Variants in SGCD observed in about 807,000 individuals in gnomAD.
SGCD encodes the protein sarcoglycan delta.
SGCD carries 18 observed loss-of-function variants against 36.6 expected under a neutral mutation model. The ratio of observed to expected loss-of-function variants is 0.49; its 90% CI spans 0.34 to 0.73. The LOEUF is 0.73. Ranked by LOEUF, SGCD falls within the 30% of genes least tolerant of loss-of-function variation. The pLI, the probability that SGCD is intolerant of heterozygous loss-of-function variation, is 0.01. For missense variants in SGCD, 387 were observed against 346.7 expected (o/e 1.12, Z -0.92); for synonymous variants, 133 against 130.6 (o/e 1.02, Z -0.12).
In SGCD at chr5:156,271,680, G is replaced by A. The variant is rs1231609629; in HGVS notation, c.-43-57854G>A. 1.1e-4 allele frequency among the ~76,000 whole-genome samples: 16 copies of A among 152,044 alleles called. No individual in the cohort carries two copies. The East Asian group carries it at 2.5e-3, about 24-fold the overall frequency. On this transcript the variant is annotated intron_variant, in intron 3 of 9. Transcript: ENST00000517913. Reference sequence around the variant, plus strand: ...GAGAGTGTGACTTTTTTTCACCAAGGACAGCAGTCCTTGGGAGCTATTTCT... The same window carrying A: ...GAGAGTGTGACTTTTTTTCACCAAGAACAGCAGTCCTTGGGAGCTATTTCT...
rs578224268 is a variant in SGCD, at chr5:156,267,074, C to G, written c.-43-62460C>G. On this transcript the variant is annotated intron_variant, in intron 3 of 9. Coordinates refer to the SGCD transcript ENST00000517913. ...CTGTCACTATATGTGCAACCTTCAG[C>G]AAGTCATTGAACTCTCTCAGACTCC... Among the ~76,000 whole-genome samples the G allele has an allele frequency of 6.6e-4, 101 of 152,282 alleles. 1 individual carries two copies. Among genetic ancestry groups the G allele is most frequent in the African/African-American group, 2.3e-3 (96 of 41,546 alleles).
Position 156,213,110 on chromosome 5 carries a change from A to G in SGCD, c.-44+89091A>G, listed in dbSNP as rs79168209. 7.1e-3 allele frequency among the ~76,000 whole-genome samples: 1,086 copies of G among 152,102 alleles called. 13 individuals are homozygous for G. Among genetic ancestry groups the G allele is most frequent in the African/African-American group, 0.025 (1,031 of 41,556 alleles). On this transcript the variant is annotated intron_variant, in intron 3 of 9. Coordinates refer to the SGCD transcript ENST00000517913. ...CAAGGAACTAGAAAAATAAGAATTA[A>G]CTAAGCTTAAAGTTAGTAGAAGGAA...
intron 1 of SGCD, among the ~76,000 whole-genome samples, chr5:155,951,377 T>C (rs983851961): frequency 1.3e-5 from 2 of 152,034 alleles, no homozygotes; most frequent in Admixed American, 6.6e-5. Context: ...CTAGACCCAA[T>C]GATGTGGTTA....
chr5:156,276,686 G>C (rs781118882), intron 3 of SGCD, among the ~76,000 whole-genome samples: 9 of 152,040 alleles, frequency 5.9e-5, no homozygotes, highest in Non-Finnish European at 1.0e-4. Context: ...TACTGTTCTG[G>C]AAACATGGTC....
intron 3 of SGCD, among the ~76,000 whole-genome samples, chr5:156,316,732 A>G (rs559160979): frequency 3.5e-4 from 54 of 152,158 alleles, no homozygotes; most frequent in Admixed American, 3.3e-4. Flanking sequence ...TCAATAAATG[A>G]TATTGGAAAG....
At chr5:156,170,847 G>C (rs1455063767) in intron 3 of SGCD, among the ~76,000 whole-genome samples, 1 of 152,182 alleles carries the variant, frequency 6.6e-6, no homozygotes, top group Non-Finnish European at 1.5e-5. Flanking sequence ...TGCAAGAGAA[G>C]AAATTGCTGC....
the SGCD span, among the ~76,000 whole-genome samples, chr5:155,734,736 G>A: frequency 1.1e-3 from 164 of 152,254 alleles, no homozygotes; most frequent in African/African-American, 3.6e-3. Context: ...TGGTGAAATC[G>A]CCTCCAAATA....
intron 7 of SGCD, among the ~76,000 whole-genome samples, chr5:156,720,056 C>T (rs559420275): frequency 1.3e-5 from 2 of 152,126 alleles, no homozygotes; most frequent in Non-Finnish European, 2.9e-5. Context: ...GAAGCTCTAC[C>T]CCTGCCTTCT....
intron 7 of SGCD, among the ~76,000 whole-genome samples, chr5:156,754,374 C>T (rs901592708): frequency 2.6e-5 from 4 of 152,158 alleles, no homozygotes; most frequent in African/African-American, 9.7e-5. Context: ...TTCCAAATAT[C>T]CTAAATTTGA....
intron 3 of SGCD, among the ~76,000 whole-genome samples, chr5:156,129,695 G>A (rs866514878): frequency 2.0e-5 from 3 of 152,064 alleles, no homozygotes; most frequent in African/African-American, 7.2e-5. Flanking sequence ...TTGTGTTCAT[G>A]AGTTCTCATA....
the SGCD span, among the ~76,000 whole-genome samples, chr5:155,849,734 T>C: frequency 3.3e-5 from 5 of 152,316 alleles, no homozygotes; most frequent in African/African-American, 1.2e-4. Context: ...ATTCTGTTTA[T>C]ATCATTCCAT....
At chr5:156,131,242 A>T (rs1762314551) in intron 3 of SGCD, among the ~76,000 whole-genome samples, 1 of 152,206 alleles carries the variant, frequency 6.6e-6, no homozygotes, top group Non-Finnish European at 1.5e-5. Context: ...AGGCAATGTC[A>T]TTTAATAAAG....
At chr5:156,308,360 G>T (rs577665817) in intron 3 of SGCD, among the ~76,000 whole-genome samples, 3 of 151,144 alleles carry the variant, frequency 2.0e-5, no homozygotes, top group Non-Finnish European at 2.9e-5. Context: ...TTGCAGTGGC[G>T]CAATCTCGGC....
chr5:156,493,222 A>C (rs185319074), intron 3 of SGCD, among the ~76,000 whole-genome samples: 1 of 152,278 alleles, frequency 6.6e-6, no homozygotes, highest in East Asian at 1.9e-4. Context: ...TAATTAACAT[A>C]TCTATTACTT....
intron 3 of SGCD, among the ~76,000 whole-genome samples, chr5:156,441,392 T>C (rs1489163836): frequency 6.6e-6 from 1 of 152,168 alleles, no homozygotes; most frequent in African/African-American, 2.4e-5. Context: ...CTCTCCTTCA[T>C]GGGGACGTTT....
At chr5:155,869,061 C>G (rs1157673899), upstream of SGCD, among the ~76,000 whole-genome samples, 1 of 152,184 alleles carries the variant, frequency 6.6e-6, no homozygotes, top group Non-Finnish European at 1.5e-5. Flanking sequence ...GCTTGAAAAT[C>G]TCAGGGTTGG....
chr5:156,209,808 G>C (rs987580684), intron 3 of SGCD, among the ~76,000 whole-genome samples: 3 of 152,168 alleles, frequency 2.0e-5, no homozygotes, highest in African/African-American at 7.2e-5. Flanking sequence ...GCCAATCTCT[G>C]TAAACTGAGG....
chr5:156,448,224 T>A (rs1753831406), intron 3 of SGCD, among the ~76,000 whole-genome samples: 1 of 152,196 alleles, frequency 6.6e-6, no homozygotes, highest in Admixed American at 6.6e-5. Context: ...TTTGTCCTAA[T>A]CTCTTACCCA....
intron 1 of SGCD, among the ~76,000 whole-genome samples, chr5:156,076,454 G>A (rs1277491990): frequency 2.0e-5 from 3 of 152,008 alleles, no homozygotes; most frequent in African/African-American, 7.2e-5. Context: ...AAACCTCTCA[G>A]TACAAAAGAA....
Sources: gnomAD v4.1 joint callset for allele counts (sites outside exome capture counted in the v4.1 genomes callset) on GRCh38, gnomAD v4.1.1 for gene constraint, MANE v1.5 for transcripts, NCBI Gene and HGNC (gene_info 2026-07-23, HGNC 2026-07-21) for gene names.